The following KPNA3 variants were observed in gnomAD, a reference collection of about 807,000 sequenced individuals.
KPNA3 encodes the protein importin subunit alpha-4.
Under a neutral mutation model 73.8 loss-of-function variants are expected in KPNA3, and 13 were observed. The observed-to-expected ratio is 0.18, with a 90% CI of 0.11 to 0.28. KPNA3 has a LOEUF of 0.28. Ranked by LOEUF, KPNA3 falls within the 10% of genes least tolerant of loss-of-function variation. The probability of loss-of-function intolerance (pLI) is 1.00; values close to 1 mark genes in which losing one functional copy is unlikely to be tolerated. For synonymous variants in KPNA3, 186 were observed against 206.9 expected, an observed-to-expected ratio of 0.90 and a Z score of 0.87; for missense variants, 360 against 618.1, an observed-to-expected ratio of 0.58 and a Z score of 4.43.
Position 49,699,700 on chromosome 13 carries a change from A to G in KPNA3, c.*2100T>C, listed in dbSNP as rs979907100. ...CCAATTTTAATCATAATGTGTGCAA[A>G]TTTTAAAAGGTAACTGTCAGTTAAG... On this transcript the variant is annotated 3_prime_UTR_variant, in exon 17 of 17. Transcript: ENST00000261667. 15 of 152,780 alleles carry G rather than the reference A, an allele frequency of 9.8e-5. No homozygotes were observed. Among genetic ancestry groups the G allele is most frequent in the African/African-American group, 3.4e-4 (14 of 41,580 alleles). 9.5% of individuals were successfully genotyped at this position (152,780 alleles called of 1,614,324 possible). A position where few individuals can be genotyped will look rare whatever the true frequency, so the allele number is the denominator to read the frequency against.
intron 10 of KPNA3, among the ~76,000 whole-genome samples, chr13:49,711,732 T>G (rs1244754214): frequency 6.6e-6 from 1 of 152,148 alleles, no homozygotes. Flanking sequence ...TAAGCACTGG[T>G]TGTAGCTTAT....
chr13:49,747,201 C>T (rs1594448191), intron 1 of KPNA3, among the ~76,000 whole-genome samples: 2 of 151,854 alleles, frequency 1.3e-5, no homozygotes, highest in African/African-American at 2.4e-5. Flanking sequence ...AAAAATTAGC[C>T]GGGCTTGGTG....
chr13:49,705,495 C>T, intron 15 of KPNA3, 126 bp downstream of exon 15: 1 of 986,190 alleles, frequency 1.0e-6, no homozygotes, highest in East Asian at 2.4e-5. Flanking sequence ...TAAAGAAAAG[C>T]AACATACTGT....
intron 15 of KPNA3, among the ~76,000 whole-genome samples, chr13:49,704,475 A>AG (rs1462784571): frequency 8.9e-6 from 1 of 112,006 alleles, no homozygotes; most frequent in East Asian, 9.9e-4. Context: ...ATAAATAAAT[A>AG]AATAAATAGA....
chr13:49,706,393 G>A, intron 12 of KPNA3, 21 bp from the exon 13 acceptor site: 1 of 1,534,768 alleles, frequency 6.5e-7, no homozygotes, highest in Non-Finnish European at 9.0e-7. Flanking sequence ...ACAAAATATA[G>A]GGCACCTTTA....
chr13:49,746,926 C>A, intron 2 of KPNA3, 23 bp downstream of exon 2: 1 of 1,568,804 alleles, frequency 6.4e-7, no homozygotes, highest in Non-Finnish European at 8.8e-7. Context: ...AATTACTTTT[C>A]TTTAAATGTA....
At chr13:49,719,700 T>C in intron 10 of KPNA3, 75 bp downstream of exon 10, 1 of 948,974 alleles carries the variant, frequency 1.1e-6, no homozygotes. Context: ...ATAAAATGTA[T>C]GCTGACACTT....
chr13:49,715,857 T>C (rs1954299515), intron 10 of KPNA3, among the ~76,000 whole-genome samples: 1 of 152,248 alleles, frequency 6.6e-6, no homozygotes, highest in Admixed American at 6.5e-5. Flanking sequence ...ATAATACTTT[T>C]ACATTTGCAA....
intron 2 of KPNA3, among the ~76,000 whole-genome samples, chr13:49,741,456 CTTTT>C (rs1190219673): frequency 7.2e-6 from 1 of 139,588 alleles, no homozygotes; most frequent in Non-Finnish European, 1.6e-5. Context: ...CTCTTTTGCC[CTTTT>C]TTTTTTTTTT....
At chr13:49,768,093 C>T (rs1954823315) in intron 1 of KPNA3, among the ~76,000 whole-genome samples, 1 of 152,154 alleles carries the variant, frequency 6.6e-6, no homozygotes, top group Non-Finnish European at 1.5e-5. Flanking sequence ...GCCTGCCCAA[C>T]ATAATGAAAC....
chr13:49,737,171 T>C (rs1036941454), intron 2 of KPNA3, among the ~76,000 whole-genome samples: 1 of 152,224 alleles, frequency 6.6e-6, no homozygotes, highest in Admixed American at 6.5e-5. Context: ...GACATGCATG[T>C]ACAGATTTCA....
intron 2 of KPNA3, among the ~76,000 whole-genome samples, chr13:49,733,531 C>T (rs1020289142): frequency 5.3e-5 from 8 of 152,240 alleles, no homozygotes; most frequent in African/African-American, 1.2e-4. Flanking sequence ...TCAAGTGATC[C>T]GCTTGCCGCG....
chr13:49,770,614 G>T (rs1045050064), intron 1 of KPNA3, among the ~76,000 whole-genome samples: 1 of 151,992 alleles, frequency 6.6e-6, no homozygotes, highest in African/African-American at 2.4e-5. Flanking sequence ...AGGTTACAAA[G>T]ATCTACACAG....
At chr13:49,772,675 C>A (rs988395870) in intron 1 of KPNA3, among the ~76,000 whole-genome samples, 3 of 152,008 alleles carry the variant, frequency 2.0e-5, no homozygotes, top group Non-Finnish European at 4.4e-5. Context: ...TGGTGGCGCA[C>A]GTCTGTAATC....
intron 14 of KPNA3, 102 bp downstream of exon 14, chr13:49,705,996 T>C (rs1393323176): frequency 6.0e-6 from 7 of 1,163,506 alleles, no homozygotes; most frequent in Non-Finnish European, 6.1e-6. Flanking sequence ...TAATTATCTT[T>C]TCCCCAAAAA....
At chr13:49,730,247 C>T (rs188308734) in intron 6 of KPNA3, among the ~76,000 whole-genome samples, 15 of 151,888 alleles carry the variant, frequency 9.9e-5, no homozygotes, top group African/African-American at 3.1e-4. Context: ...AACAAGGGGC[C>T]CTAGGCCGGG....
chr13:49,757,642 C>A (rs1954722607), intron 1 of KPNA3, among the ~76,000 whole-genome samples: 1 of 152,010 alleles, frequency 6.6e-6, no homozygotes, highest in South Asian at 2.1e-4. Context: ...AACCACAGGA[C>A]CCAGCAACTA....
intron 1 of KPNA3, among the ~76,000 whole-genome samples, chr13:49,765,757 A>T (rs1954803216): frequency 6.6e-6 from 1 of 152,208 alleles, no homozygotes; most frequent in East Asian, 1.9e-4. Flanking sequence ...TAGATTTGAA[A>T]ATGCTGACAT....
Position 49,701,863 on chromosome 13 carries a change from T to C in KPNA3, c.1503A>G (p.Thr501=), listed in dbSNP as rs773781114. ...GATCAAAATTGTAGGTACCTCCTTG[T>C]GTTGCTTCAGGAATGAGGCAGGGAT... ...DEDPCLIPEA[T]QGGTYNFDPT... is the part of the protein sequence containing the mutation. The change falls in exon 17 of 17, where the codon ACA becomes ACG. Residue 501 remains threonine, a synonymous_variant. Coordinates refer to ENST00000261667, the MANE Select transcript of KPNA3 (RefSeq NM_002267.4). 1 of 1,613,586 alleles carries C rather than the reference T, an allele frequency of 6.2e-7. No individual in the cohort carries two copies. Among genetic ancestry groups the C allele is most frequent in the Non-Finnish European group, 8.5e-7 (1 of 1,179,536 alleles).
Sources: allele counts gnomAD v4.1 joint callset (sites outside exome capture counted in the v4.1 genomes callset), GRCh38; gene constraint gnomAD v4.1.1; transcripts MANE v1.5; gene names NCBI Gene and HGNC (gene_info 2026-07-23, HGNC 2026-07-21).